Variants in FOXN3 observed in about 807,000 individuals in gnomAD.
FOXN3 encodes the protein forkhead box N3.
Under a neutral mutation model 38.4 loss-of-function variants are expected in FOXN3, and 7 were observed. The observed-to-expected ratio is 0.18, with a 90% CI of 0.10 to 0.34. The LOEUF is 0.34. Ranked by LOEUF, FOXN3 falls within the 10% of genes least tolerant of loss-of-function variation. The probability of loss-of-function intolerance (pLI) is 1.00; values close to 1 mark genes in which losing one functional copy is unlikely to be tolerated. For missense variants in FOXN3, 456 were observed against 613.4 expected, an observed-to-expected ratio of 0.74 and a Z score of 2.71; for synonymous variants, 230 against 242.2, an observed-to-expected ratio of 0.95 and a Z score of 0.47.
At chr14:89,298,680 C>T (rs763197771) in intron 3 of FOXN3, among the ~76,000 whole-genome samples, 6 of 152,170 alleles carry the variant, frequency 3.9e-5, no homozygotes, top group Non-Finnish European at 8.8e-5. Flanking sequence ...TCTCTTTTCT[C>T]TCACTCATCC....
At chr14:89,414,773 A>T (rs940652725) in intron 1 of FOXN3, among the ~76,000 whole-genome samples, 17 of 151,944 alleles carry the variant, frequency 1.1e-4, no homozygotes, top group African/African-American at 3.9e-4. Context: ...GGATGGTCTC[A>T]ATCTCTTGAT....
intron 1 of FOXN3, among the ~76,000 whole-genome samples, chr14:89,504,198 C>T (rs1023156820): frequency 6.6e-6 from 1 of 152,224 alleles, no homozygotes. Context: ...CTAATCCACT[C>T]ACGTGCATTC....
At chr14:89,538,050 G>A (rs1434163012) in intron 1 of FOXN3, among the ~76,000 whole-genome samples, 1 of 152,142 alleles carries the variant, frequency 6.6e-6, no homozygotes, top group Non-Finnish European at 1.5e-5. Context: ...GAGACAACAG[G>A]AGGTATCATT....
chr14:89,229,971 C>A (rs972691328), intron 4 of FOXN3, among the ~76,000 whole-genome samples: 1 of 152,212 alleles, frequency 6.6e-6, no homozygotes, highest in Non-Finnish European at 1.5e-5. Flanking sequence ...TGGCCTCTTA[C>A]CCTTGAAGCT....
intron 1 of FOXN3, among the ~76,000 whole-genome samples, chr14:89,424,594 G>T (rs1203244071): frequency 6.6e-6 from 1 of 151,982 alleles, no homozygotes; most frequent in Admixed American, 6.6e-5. Context: ...ATTTGTGGGG[G>T]AAGGCAGGTG....
intron 1 of FOXN3, among the ~76,000 whole-genome samples, chr14:89,618,429 C>A (rs1415142670): frequency 6.6e-6 from 1 of 152,156 alleles, no homozygotes; most frequent in Non-Finnish European, 1.5e-5. Flanking sequence ...GAGAAATCTT[C>A]TTATTACCCT....
intron 1 of FOXN3, among the ~76,000 whole-genome samples, chr14:89,516,559 G>T (rs917863391): frequency 5.6e-4 from 73 of 129,638 alleles, no homozygotes; most frequent in African/African-American, 2.0e-3. Flanking sequence ...GCTGCCAGTA[G>T]TTTTTTTTTT....
chr14:89,393,597 C>A (rs987161413), intron 2 of FOXN3, among the ~76,000 whole-genome samples: 1 of 152,204 alleles, frequency 6.6e-6, no homozygotes, highest in Non-Finnish European at 1.5e-5. Context: ...CCCCATAAAC[C>A]ACCACACCTC....
At chr14:89,586,634 A>G (rs1858016686) in intron 1 of FOXN3, among the ~76,000 whole-genome samples, 1 of 152,256 alleles carries the variant, frequency 6.6e-6, no homozygotes, top group Non-Finnish European at 1.5e-5. Context: ...CCTCTATCTT[A>G]GAAAATATTT....
chr14:89,444,583 A>G (rs528571219), intron 1 of FOXN3, among the ~76,000 whole-genome samples: 1 of 152,310 alleles, frequency 6.6e-6, no homozygotes, highest in African/African-American at 2.4e-5. Flanking sequence ...TCTCTCTGTC[A>G]AAACCCAATT....
intron 4 of FOXN3, among the ~76,000 whole-genome samples, chr14:89,212,435 T>C (rs1475032392): frequency 2.0e-5 from 3 of 152,120 alleles, no homozygotes; most frequent in African/African-American, 7.2e-5. Flanking sequence ...TTTGGCTGTG[T>C]GAGTGGCCTG....
chr14:89,403,117 T>G (rs879570289), intron 2 of FOXN3, among the ~76,000 whole-genome samples: 4 of 152,248 alleles, frequency 2.6e-5, no homozygotes, highest in Non-Finnish European at 4.4e-5. Flanking sequence ...TATTCTTTTT[T>G]ATTTTGCATT....
chr14:89,434,215 G>A (rs555024797), intron 1 of FOXN3, among the ~76,000 whole-genome samples: 2 of 143,924 alleles, frequency 1.4e-5, no homozygotes, highest in South Asian at 2.2e-4. Flanking sequence ...GAGTCACTGC[G>A]CAAGCCTTTT....
chr14:89,232,016 T>C (rs1884828001), intron 4 of FOXN3, among the ~76,000 whole-genome samples: 1 of 152,206 alleles, frequency 6.6e-6, no homozygotes, highest in Admixed American at 6.5e-5. Flanking sequence ...GGCGTGGAGC[T>C]AAGCCCCAAG....
chr14:89,374,440 C>A (rs184173186), intron 2 of FOXN3, among the ~76,000 whole-genome samples: 1 of 151,970 alleles, frequency 6.6e-6, no homozygotes, highest in East Asian at 1.9e-4. Context: ...TCAAGAGAAA[C>A]GAGCTCACAT....
At chr14:89,433,385 G>A (rs1892206403) in intron 1 of FOXN3, among the ~76,000 whole-genome samples, 2 of 152,228 alleles carry the variant, frequency 1.3e-5, no homozygotes. Flanking sequence ...GGTAGACTGA[G>A]GCAGAAGAAT....
intron 2 of FOXN3, 40 bp from the exon 3 acceptor site, chr14:89,350,848 T>G: frequency 6.9e-7 from 1 of 1,450,758 alleles, no homozygotes; most frequent in African/African-American, 1.5e-5. Flanking sequence ...TAATAGAGAA[T>G]TATTAAGTAC....
chr14:89,256,831 T>C (rs1885638135), intron 4 of FOXN3, among the ~76,000 whole-genome samples: 1 of 152,250 alleles, frequency 6.6e-6, no homozygotes, highest in African/African-American at 2.4e-5. Flanking sequence ...GGCTCATTCA[T>C]TATTCAGGGA....
intron 1 of FOXN3, among the ~76,000 whole-genome samples, chr14:89,611,559 C>G (rs1339429405): frequency 6.6e-6 from 1 of 152,168 alleles, no homozygotes. Flanking sequence ...GTAATCCCAG[C>G]ACTTTGGGAG....
Sources: gnomAD v4.1 joint callset for allele counts (sites outside exome capture counted in the v4.1 genomes callset) on GRCh38, gnomAD v4.1.1 for gene constraint, MANE v1.5 for transcripts, NCBI Gene and HGNC (gene_info 2026-07-23, HGNC 2026-07-21) for gene names.